The following CAPN11 variants were observed in gnomAD, a reference collection of about 807,000 sequenced individuals.
The protein encoded by CAPN11 is calpain-11.
In CAPN11, 108 loss-of-function variants were observed where a neutral mutation model predicts 105.3. That is an observed-to-expected ratio of 1.03 (90% CI 0.88 to 1.20). The LOEUF is 1.20. Ranked by LOEUF, CAPN11 falls within the 50% of genes most tolerant of loss-of-function variation. The pLI is 0.00. For synonymous variants in CAPN11, 329 were observed against 344.5 expected (o/e 0.96, Z 0.50); for missense variants, 883 against 924.8 (o/e 0.95, Z 0.59).
At chr6:44,179,891 G>T in intron 13 of CAPN11, 61 bp from the exon 14 acceptor site, 2 of 1,353,522 alleles carry the variant, frequency 1.5e-6, no homozygotes, top group South Asian at 2.4e-5. Context: ...GTTCACCCTG[G>T]GGGACCCTCC....
In CAPN11 at chr6:44,183,117, A is replaced by G. The variant is rs1232467726; in HGVS notation, c.2018-2A>G. ...CTCCCCACTTCTCTCTCCCTCTCTC[A>G]GGCATCAAGCTGAACAACAAGGTAA... On this transcript the variant is annotated splice_acceptor_variant, in intron 20 of 22. Coordinates refer to ENST00000398776, the MANE Select transcript of CAPN11 (RefSeq NM_007058.4). LOFTEE classifies it high-confidence loss of function. 6.2e-6 allele frequency: 10 copies of G among 1,609,510 alleles called. No individual in the cohort carries two copies. In the East Asian group the frequency reaches 1.8e-4, roughly 29 times the overall value.
chr6:44,169,526 C>T lies in CAPN11; in HGVS notation c.334C>T (p.Pro112Ser). The T allele has an allele frequency of 6.4e-7, 1 of 1,571,248 alleles. No homozygotes were observed. ...KNVQNISWQR[P>S]KDIINNPLFI... The stretch of plus-strand genomic sequence containing the variant: ...TGTGCAGAACATCTCCTGGCAGCGG[C>T]CCAAGGTGGGCACTGGAAGGGAGGC... The change falls in exon 3 of 23, where the codon CCC becomes TCC. Residue 112 changes from proline (P) to serine (S), a missense_variant. By Grantham distance (74) the Pro-to-Ser change is moderately conservative. Transcript: ENST00000398776.
Position 44,176,903 on chromosome 6 carries a change from C to G in CAPN11, c.1142C>G (p.Thr381Arg). 1 of 1,613,978 alleles carries G rather than the reference C, an allele frequency of 6.2e-7. No individual in the cohort carries two copies. Among genetic ancestry groups the G allele is most frequent in the Non-Finnish European group, 8.5e-7 (1 of 1,179,876 alleles). ...GAGATCTGCAACCTCACGCCTGATA[C>G]ACTCTCTGGGGACTACAAGAGCTAC... ...LLEICNLTPD[T>R]LSGDYKSYWH... The change falls in exon 11 of 23, where the codon ACA (threonine) becomes AGA (arginine). Residue 381 changes from threonine to arginine, a missense_variant. Coordinates refer to ENST00000398776, the MANE Select transcript of CAPN11 (RefSeq NM_007058.4).
chr6:44,164,831 G>GA (rs1175432157), intron 1 of CAPN11, among the ~76,000 whole-genome samples: 2 of 152,172 alleles, frequency 1.3e-5, no homozygotes, highest in Non-Finnish European at 2.9e-5. Context: ...AAGTACTGGG[G>GA]AGGGGGAGCG....
intron 12 of CAPN11, among the ~76,000 whole-genome samples, chr6:44,179,302 ATTT>A (rs112784503): frequency 6.9e-6 from 1 of 143,948 alleles, no homozygotes; most frequent in Non-Finnish European, 1.5e-5. Context: ...AGCTGAAGGA[ATTT>A]TTTTTTTTTT....
At chr6:44,170,023 GGGA>G in intron 4 of CAPN11, 48 bp downstream of exon 4, 1 of 1,453,172 alleles carries the variant, frequency 6.9e-7, no homozygotes, top group Non-Finnish European at 9.6e-7. Flanking sequence ...AGAGGATTGG[GGGA>G]GGGGTGCCAG....
chr6:44,160,493 T>A (rs994999640), intron 1 of CAPN11, among the ~76,000 whole-genome samples: 1 of 152,000 alleles, frequency 6.6e-6, no homozygotes, highest in African/African-American at 2.4e-5. Flanking sequence ...GGCGGGCGCC[T>A]GTAGTCCCAG....
At chr6:44,161,876 G>A (rs564348394) in intron 1 of CAPN11, 15 of 456,256 alleles carry the variant, frequency 3.3e-5, no homozygotes, top group South Asian at 2.3e-4. Context: ...AGGGCATGGA[G>A]TGGTTTGCCT....
Position 44,176,349 on chromosome 6 carries a change from C to G in CAPN11, c.1001+11C>G. The G allele has an allele frequency of 6.2e-7, 1 of 1,611,622 alleles. No homozygotes were observed. Among genetic ancestry groups the G allele is most frequent in the Non-Finnish European group, 8.5e-7 (1 of 1,177,870 alleles). On this transcript the variant is annotated intron_variant, in intron 9 of 22. Coordinates refer to ENST00000398776, the MANE Select transcript of CAPN11 (RefSeq NM_007058.4). The stretch of plus-strand genomic sequence containing the variant: ...AGCTTGGAGTGACAGGTAGGTGTCC[C>G]CAACCCAGGTGAGGGGTGGTCGGAG...
rs1561848655 is a variant in CAPN11 at position 44,176,847 on chromosome 6, C to T, written c.1086C>T (p.Tyr362=). The T allele has an allele frequency of 6.2e-7, 1 of 1,613,892 alleles. No homozygotes were observed. The highest frequency in any genetic ancestry group is 2.2e-5 in the East Asian group (1 of 44,872). The change falls in exon 11 of 23, where the codon TAC becomes TAT. Residue 362 remains tyrosine (Y), a synonymous_variant. Coordinates refer to ENST00000398776, the MANE Select transcript of CAPN11 (RefSeq NM_007058.4). ...CCCCACCCCACCACAGGATGTCCTA[C>T]CAAGATTTCCTGAACAACTTCACGC... ...KTEDGEFWMS[Y]QDFLNNFTLL...
chr6:44,183,782 G>A lies in CAPN11; in HGVS notation c.2193+19G>A. 6.2e-7 allele frequency: 1 copy of A among 1,612,614 alleles called. No individual in the cohort carries two copies. The highest frequency in any genetic ancestry group is 2.2e-5 in the East Asian group (1 of 44,860). Reference sequence around the variant, plus strand: ...GGAACAGGTACTTGGAGAAGGGTGGGAAGGAATCTGCAGGATTGCACCTGC... The same window carrying A: ...GGAACAGGTACTTGGAGAAGGGTGGAAAGGAATCTGCAGGATTGCACCTGC... On this transcript the variant is annotated intron_variant, in intron 22 of 22. Transcript: ENST00000398776.
chr6:44,167,375 G>C (rs1770101521), intron 2 of CAPN11, among the ~76,000 whole-genome samples: 1 of 151,564 alleles, frequency 6.6e-6, no homozygotes, highest in African/African-American at 2.4e-5. Context: ...GTGGGCACCT[G>C]TAATCCCAGC....
rs760508064 is a variant in CAPN11 at position 44,183,726 on chromosome 6, C to T, written c.2156C>T (p.Pro719Leu). The change falls in exon 22 of 23, where the codon CCC (proline) becomes CTC (leucine). Residue 719 changes from proline to leucine, a missense_variant. Coordinates refer to ENST00000398776, the MANE Select transcript of CAPN11 (RefSeq NM_007058.4). ...GCAGCATTCTTTCTAACCATGGACCCCAAGAATACTGGCCATATTTGCTTG... is the reference window on the plus strand; with the variant it reads ...GCAGCATTCTTTCTAACCATGGACCTCAAGAATACTGGCCATATTTGCTTG... ...TMFTFFLTMD[P>L]KNTGHICLSL... The T allele has an allele frequency of 1.7e-5, 28 of 1,613,742 alleles. No individual in the cohort carries two copies. Among genetic ancestry groups the T allele is most frequent in the Admixed American group, 5.0e-5 (3 of 59,990 alleles).
intron 7 of CAPN11, 78 bp from the exon 8 acceptor site, chr6:44,175,990 C>T: frequency 1.2e-6 from 1 of 859,242 alleles, no homozygotes; most frequent in Non-Finnish European, 1.9e-6. Flanking sequence ...GAGAGCTCGC[C>T]CCTTCCTTTG....
intron 12 of CAPN11, 200 bp downstream of exon 12, chr6:44,177,620 T>TG (rs1330440535): frequency 2.2e-5 from 13 of 578,714 alleles, no homozygotes; most frequent in Non-Finnish European, 3.4e-5. Context: ...TCCCAGTAGC[T>TG]GGATTACAGA....
rs1023828116 is a variant in CAPN11 at position 44,173,404 on chromosome 6, C to T, written c.831+18C>T. Reference sequence around the variant, plus strand: ...CCATTGAAGTAAGCAAAGCATGGTCCCACCTCAGGGCCTTTGCACCTGCTG... The same window carrying T: ...CCATTGAAGTAAGCAAAGCATGGTCTCACCTCAGGGCCTTTGCACCTGCTG... On this transcript the variant is annotated intron_variant, in intron 7 of 22. Coordinates refer to ENST00000398776, the MANE Select transcript of CAPN11 (RefSeq NM_007058.4). 1.2e-5 allele frequency: 18 copies of T among 1,545,022 alleles called. No homozygotes were observed. The highest frequency in any genetic ancestry group is 1.6e-5 in the Non-Finnish European group (18 of 1,130,548).
chr6:44,168,859 G>C, intron 2 of CAPN11: 1 of 382,816 alleles, frequency 2.6e-6, no homozygotes, highest in Middle Eastern at 6.1e-4. Flanking sequence ...GACCTCAGGT[G>C]ATCCACCCAC....
rs543116860 is a variant in CAPN11, at chr6:44,169,621, C to T, written c.339+90C>T. ...CTTTTAGAATCTTCAATCTTCAACC[C>T]CCCACTACCCCATTCTGACCCTGGC... On this transcript the variant is annotated intron_variant, in intron 3 of 22. Coordinates refer to ENST00000398776, the MANE Select transcript of CAPN11 (RefSeq NM_007058.4). 28 of 1,302,912 alleles carry T rather than the reference C, an allele frequency of 2.1e-5. No homozygotes were observed. The East Asian group carries it at 5.6e-4, about 26-fold the overall frequency. 80.7% of individuals were successfully genotyped at this position (1,302,912 alleles called of 1,614,324 possible). A position where few individuals can be genotyped will look rare whatever the true frequency, so the allele number is the denominator to read the frequency against.
In CAPN11 at chr6:44,173,016, T is replaced by G. The variant is rs1292269767; in HGVS notation, c.605T>G (p.Val202Gly). Residue 202 changes from valine (V) to glycine (G), a missense_variant, in exon 6 of 23, where the codon GTG becomes GGG. Coordinates refer to ENST00000398776, the MANE Select transcript of CAPN11 (RefSeq NM_007058.4). ...LPTKNDKLVF[V>G]HSTERSEFWS... ...ACAAAGAATGACAAGCTGGTGTTTG[T>G]GCACTCAACCGAACGCAGTGAGTTC... 6.2e-7 allele frequency: 1 copy of G among 1,613,228 alleles called. No homozygotes were observed. The highest frequency in any genetic ancestry group is 1.7e-5 in the Admixed American group (1 of 59,826).
Sources: allele counts gnomAD v4.1 joint callset (sites outside exome capture counted in the v4.1 genomes callset), GRCh38; gene constraint gnomAD v4.1.1; transcripts MANE v1.5; gene names NCBI Gene and HGNC (gene_info 2026-07-23, HGNC 2026-07-21).